The following MCU variants were observed in gnomAD, a reference collection of about 807,000 sequenced individuals.
MCU encodes the protein mitochondrial calcium uniporter.
Under a neutral mutation model 45.2 loss-of-function variants are expected in MCU, and 12 were observed. The observed-to-expected ratio is 0.27, with a 90% CI of 0.17 to 0.43. MCU has a LOEUF of 0.43. Among genes scored for constraint, MCU ranks in the 20% least tolerant of loss-of-function variants. The probability of loss-of-function intolerance (pLI) is 1.00; values close to 1 mark genes in which losing one functional copy is unlikely to be tolerated. For synonymous variants in MCU, 160 were observed against 165.1 expected, an observed-to-expected ratio of 0.97 and a Z score of 0.24; for missense variants, 324 against 436.7, an observed-to-expected ratio of 0.74 and a Z score of 2.30.
chr10:72,796,568 A>G (rs1174793753), intron 1 of MCU, among the ~76,000 whole-genome samples: 1 of 152,178 alleles, frequency 6.6e-6, no homozygotes, highest in Non-Finnish European at 1.5e-5. Context: ...TTTGTTACTC[A>G]TGTTGGAGTA....
chr10:72,864,332 G>T (rs1374850381), intron 4 of MCU, among the ~76,000 whole-genome samples: 1 of 152,148 alleles, frequency 6.6e-6, no homozygotes, highest in Non-Finnish European at 1.5e-5. Flanking sequence ...TACCAGTGAT[G>T]CTGGAAGTGC....
In MCU at chr10:72,868,761, A is replaced by G; in HGVS notation, c.555A>G (p.Gln185=). 1 of 1,614,186 alleles carries G rather than the reference A, an allele frequency of 6.2e-7. No individual in the cohort carries two copies. The highest frequency in any genetic ancestry group is 8.5e-7 in the Non-Finnish European group (1 of 1,180,002). ...ATGATGTAAAGACATTGGTCCAGCA[A>G]CTATACACCACACTGTGCATTGAGC... The part of the protein sequence containing the change: ...TLNDVKTLVQ[Q]LYTTLCIEQH... Residue 185 remains glutamine (Q), a synonymous_variant, in exon 5 of 8, where the codon CAA becomes CAG. Coordinates refer to ENST00000373053, the MANE Select transcript of MCU (RefSeq NM_138357.3).
intron 2 of MCU, among the ~76,000 whole-genome samples, chr10:72,838,573 C>T (rs982722065): frequency 2.6e-5 from 4 of 152,000 alleles, no homozygotes; most frequent in Admixed American, 2.6e-4. Flanking sequence ...GAAGTCAAGG[C>T]GACAGTGAGC....
At chr10:72,880,487 G>A (rs945130319) in intron 6 of MCU, among the ~76,000 whole-genome samples, 24 of 151,528 alleles carry the variant, frequency 1.6e-4, no homozygotes, top group African/African-American at 2.2e-4. Flanking sequence ...GCGGGGGGGG[G>A]GAAACCCTAG....
chr10:72,762,740 A>G (rs1248100858), intron 1 of MCU, among the ~76,000 whole-genome samples: 1 of 152,104 alleles, frequency 6.6e-6, no homozygotes, highest in African/African-American at 2.4e-5. Flanking sequence ...TGCCTTCGAT[A>G]TTGTTAAGGT....
intron 2 of MCU, among the ~76,000 whole-genome samples, chr10:72,844,159 G>A (rs57706848): frequency 0.087 from 13,202 of 152,112 alleles, 1,929 homozygotes; most frequent in African/African-American, 0.3. Context: ...GGCCAAGGCG[G>A]GCAGATCACC....
At chr10:72,806,473 A>G (rs1844453412) in intron 1 of MCU, among the ~76,000 whole-genome samples, 1 of 152,168 alleles carries the variant, frequency 6.6e-6, no homozygotes, top group African/African-American at 2.4e-5. Flanking sequence ...AGAGCTTTAA[A>G]GACAGCTATG....
intron 1 of MCU, among the ~76,000 whole-genome samples, chr10:72,724,176 AT>A (rs1196590504): frequency 6.6e-6 from 1 of 152,182 alleles, no homozygotes. Flanking sequence ...AACCTTGTGC[AT>A]TCATCATTGC....
At chr10:72,805,375 T>G (rs1183365277) in intron 1 of MCU, among the ~76,000 whole-genome samples, 1 of 150,734 alleles carries the variant, frequency 6.6e-6, no homozygotes, top group Non-Finnish European at 1.5e-5. Context: ...CAGCCTCCCG[T>G]GTAGCTGGGA....
chr10:72,717,569 C>T (rs2132668332), intron 1 of MCU, among the ~76,000 whole-genome samples: 1 of 152,154 alleles, frequency 6.6e-6, no homozygotes, highest in South Asian at 2.1e-4. Context: ...GGGATTGCTT[C>T]TTAATGAGTC....
chr10:72,712,194 T>C (rs1279675248), intron 1 of MCU: 1 of 152,172 alleles, frequency 6.6e-6, no homozygotes, highest in Non-Finnish European at 1.5e-5. Context: ...GAAAAAGGAA[T>C]TTATTATGTC....
chr10:72,877,136 G>A lies in MCU; in HGVS notation c.861+5556G>A, dbSNP rs1353387716. On this transcript the variant is annotated intron_variant, in intron 6 of 7. Transcript: ENST00000373053. ...GGGTTTCCCTACATTGCCCAGGCTG[G>A]TCTCAAACTCCTGAGCTCCAGTGAT... Among the ~76,000 whole-genome samples, 3 of 151,954 alleles carry A rather than the reference G, an allele frequency of 2.0e-5. No homozygotes were observed. The East Asian group carries it at 5.8e-4, about 29-fold the overall frequency.
intron 4 of MCU, among the ~76,000 whole-genome samples, chr10:72,866,042 G>A (rs892178137): frequency 6.6e-6 from 1 of 152,158 alleles, no homozygotes; most frequent in Non-Finnish European, 1.5e-5. Context: ...CTCCCAAAGT[G>A]CTGGGATTAC....
intron 1 of MCU, among the ~76,000 whole-genome samples, chr10:72,781,446 T>C (rs1009742825): frequency 1.3e-5 from 2 of 152,240 alleles, no homozygotes; most frequent in African/African-American, 4.8e-5. Context: ...TCTTAAGTCC[T>C]AGTCAGGTTA....
At chr10:72,861,271 C>A (rs940175966) in intron 4 of MCU, among the ~76,000 whole-genome samples, 5 of 151,972 alleles carry the variant, frequency 3.3e-5, no homozygotes, top group African/African-American at 1.2e-4. Flanking sequence ...AGCACTCCTC[C>A]CTCTCTGTCC....
At chr10:72,800,386 C>T (rs1362679718) in intron 1 of MCU, among the ~76,000 whole-genome samples, 1 of 152,026 alleles carries the variant, frequency 6.6e-6, no homozygotes, top group Non-Finnish European at 1.5e-5. Flanking sequence ...GATTTGGGTC[C>T]CATTCCCAAA....
intron 1 of MCU, among the ~76,000 whole-genome samples, chr10:72,695,838 A>G (rs1189587583): frequency 6.6e-6 from 1 of 151,630 alleles, no homozygotes; most frequent in Non-Finnish European, 1.5e-5. Flanking sequence ...GGCCTCCCCA[A>G]GTAATGTGCA....
At chr10:72,735,675 G>A (rs929739463) in intron 1 of MCU, among the ~76,000 whole-genome samples, 1 of 152,208 alleles carries the variant, frequency 6.6e-6, no homozygotes, top group Non-Finnish European at 1.5e-5. Flanking sequence ...GTAAGGTAGA[G>A]TGGACTGCCT....
chr10:72,726,255 ACGTGTGTG>A (rs1843099930), intron 1 of MCU, among the ~76,000 whole-genome samples: 1 of 60,292 alleles, frequency 1.7e-5, no homozygotes, highest in African/African-American at 1.0e-4. Flanking sequence ...ACACACACAC[ACGTGTGTG>A]TGTGTGTGTG....
Sources: allele counts gnomAD v4.1 joint callset (sites outside exome capture counted in the v4.1 genomes callset), GRCh38; gene constraint gnomAD v4.1.1; transcripts MANE v1.5; gene names NCBI Gene and HGNC (gene_info 2026-07-23, HGNC 2026-07-21).